Variants in GRM5 observed in about 807,000 individuals in gnomAD.
GRM5 encodes the protein metabotropic glutamate receptor 5.
In GRM5, 19 loss-of-function variants were observed where a neutral mutation model predicts 83.1. The ratio of observed to expected loss-of-function variants is 0.23; its 90% CI spans 0.16 to 0.34. The LOEUF is 0.34. GRM5 is among the 10% of genes least tolerant of loss of function. The probability of loss-of-function intolerance (pLI) is 1.00; values close to 1 mark genes in which losing one functional copy is unlikely to be tolerated. For missense variants in GRM5, 1,160 were observed against 1,588.3 expected, an observed-to-expected ratio of 0.73 and a Z score of 4.58; for synonymous variants, 675 against 633.6, an observed-to-expected ratio of 1.07 and a Z score of -0.98.
intron 3 of GRM5, among the ~76,000 whole-genome samples, chr11:88,678,334 T>C (rs1458623408): frequency 1.3e-5 from 2 of 152,124 alleles, no homozygotes; most frequent in Non-Finnish European, 2.9e-5. Context: ...ACTGGTATTA[T>C]GGATGTGAGC....
At chr11:88,642,492 T>C (rs1434265603) in intron 4 of GRM5, among the ~76,000 whole-genome samples, 2 of 152,186 alleles carry the variant, frequency 1.3e-5, no homozygotes, top group Non-Finnish European at 2.9e-5. Flanking sequence ...ATTTATCACC[T>C]GAAAAAGATC....
intron 2 of GRM5, among the ~76,000 whole-genome samples, chr11:88,955,088 T>C (rs1938568003): frequency 6.6e-6 from 1 of 152,206 alleles, no homozygotes; most frequent in African/African-American, 2.4e-5. Context: ...TTGGCATTAA[T>C]AGTGGTAACA....
chr11:88,734,520 A>C lies in GRM5; in HGVS notation c.912-81117T>G, dbSNP rs527516642. Among the ~76,000 whole-genome samples the C allele has an allele frequency of 1.1e-4, 16 of 152,188 alleles. No individual in the cohort carries two copies. In the East Asian group the frequency reaches 3.1e-3, roughly 29 times the overall value. On this transcript the variant is annotated intron_variant, in intron 3 of 9. Coordinates refer to ENST00000305447, the MANE Select transcript of GRM5 (RefSeq NM_001143831.3). ...TCCCATGTTTTTTGCAACATTATTCACTATAGCCAATTATTTCCAATAAAT... is the reference window on the plus strand; with the variant it reads ...TCCCATGTTTTTTGCAACATTATTCCCTATAGCCAATTATTTCCAATAAAT...
chr11:88,935,911 T>A (rs1937877264), intron 2 of GRM5, among the ~76,000 whole-genome samples: 1 of 151,946 alleles, frequency 6.6e-6, no homozygotes, highest in Admixed American at 6.6e-5. Context: ...TAATTAAAAA[T>A]TAAACTAAAT....
intron 2 of GRM5, among the ~76,000 whole-genome samples, chr11:89,030,003 C>A (rs952205550): frequency 1.4e-4 from 22 of 152,050 alleles, no homozygotes; most frequent in Non-Finnish European, 1.5e-5. Context: ...TTCCTTCTTT[C>A]TGGGAGACAT....
At chr11:88,934,208 G>A (rs1937814089) in intron 2 of GRM5, among the ~76,000 whole-genome samples, 1 of 151,772 alleles carries the variant, frequency 6.6e-6, no homozygotes, top group African/African-American at 2.4e-5. Flanking sequence ...TTTTAATACA[G>A]AAAGATTTTC....
chr11:89,024,706 AT>A (rs1941086531), intron 2 of GRM5, among the ~76,000 whole-genome samples: 1 of 152,188 alleles, frequency 6.6e-6, no homozygotes, highest in Admixed American at 6.5e-5. Context: ...TCAATGACAT[AT>A]TTTCAATTCT....
At chr11:88,657,576 A>G (rs1165045376) in intron 3 of GRM5, among the ~76,000 whole-genome samples, 1 of 152,124 alleles carries the variant, frequency 6.6e-6, no homozygotes, top group Non-Finnish European at 1.5e-5. Flanking sequence ...AGATTGCATT[A>G]CCAAAAATAT....
intron 2 of GRM5, among the ~76,000 whole-genome samples, chr11:89,041,404 C>T (rs529686830): frequency 6.1e-4 from 93 of 152,226 alleles, no homozygotes; most frequent in Non-Finnish European, 1.1e-3. Context: ...AGCAATGGTG[C>T]CTAAGAGAGA....
At chr11:88,915,144 A>T (rs1051605726) in intron 2 of GRM5, among the ~76,000 whole-genome samples, 5 of 152,174 alleles carry the variant, frequency 3.3e-5, no homozygotes, top group African/African-American at 1.2e-4. Context: ...AATAAAAAAA[A>T]ATCTAATTTT....
chr11:88,606,055 A>G (rs1938134414), intron 4 of GRM5, among the ~76,000 whole-genome samples: 1 of 152,180 alleles, frequency 6.6e-6, no homozygotes, highest in African/African-American at 2.4e-5. Flanking sequence ...TATCAATCAG[A>G]TGAAGGGAGA....
intron 2 of GRM5, among the ~76,000 whole-genome samples, chr11:89,009,645 C>T (rs1385869565): frequency 6.6e-6 from 1 of 151,886 alleles, no homozygotes; most frequent in Non-Finnish European, 1.5e-5. Context: ...GCCTGTAATC[C>T]CAGCACTTTG....
At chr11:89,064,888 CTGTG>C (rs71464050) in intron 1 of GRM5, among the ~76,000 whole-genome samples, 66 of 62,234 alleles carry the variant, frequency 1.1e-3, no homozygotes, top group African/African-American at 1.4e-3. Flanking sequence ...CTCTCTCTCT[CTGTG>C]TGTGTGTGTG....
At chr11:88,980,007 T>C (rs1487941953) in intron 2 of GRM5, among the ~76,000 whole-genome samples, 3 of 152,206 alleles carry the variant, frequency 2.0e-5, no homozygotes, top group Admixed American at 6.5e-5. Flanking sequence ...TAAAGGACTA[T>C]ACAATTTTAA....
chr11:88,600,276 C>T (rs549906981), intron 5 of GRM5, among the ~76,000 whole-genome samples: 2 of 138,130 alleles, frequency 1.4e-5, no homozygotes, highest in East Asian at 4.4e-4. Context: ...TCCTCCTGCT[C>T]CTTCTCCCTC....
chr11:88,902,188 T>A (rs541145795), intron 2 of GRM5, among the ~76,000 whole-genome samples: 3 of 151,802 alleles, frequency 2.0e-5, no homozygotes, highest in African/African-American at 7.2e-5. Context: ...TTTTAATGAG[T>A]TTATCTTTTG....
chr11:88,664,368 T>C (rs7948358), intron 3 of GRM5, among the ~76,000 whole-genome samples: 5,073 of 152,148 alleles, frequency 0.033, 268 homozygotes, highest in African/African-American at 0.11. Flanking sequence ...GTACTGAACA[T>C]GTACAGACTT....
chr11:88,727,555 ACT>A (rs1038552743), intron 3 of GRM5, among the ~76,000 whole-genome samples: 23 of 151,998 alleles, frequency 1.5e-4, no homozygotes, highest in African/African-American at 5.6e-4. Context: ...CATCTACAGA[ACT>A]CTCCTCCCCA....
At position 88,668,076 on chromosome 11, in the gene GRM5, A is replaced by C. The variant is rs1376431527; in HGVS notation, c.912-14673T>G. Among the ~76,000 whole-genome samples, 3 of 152,238 alleles carry C rather than the reference A, an allele frequency of 2.0e-5. No individual in the cohort carries two copies. The East Asian group carries it at 5.8e-4, about 29-fold the overall frequency. On this transcript the variant is annotated intron_variant, in intron 3 of 9. Coordinates refer to ENST00000305447, the MANE Select transcript of GRM5 (RefSeq NM_001143831.3). ...GAATATTGTGAAATATGTTATGGAA[A>C]TAAATTTGAAAATTTAGATAAAATA...
Sources: allele counts gnomAD v4.1 joint callset (sites outside exome capture counted in the v4.1 genomes callset), GRCh38; gene constraint gnomAD v4.1.1; transcripts MANE v1.5; gene names NCBI Gene and HGNC (gene_info 2026-07-23, HGNC 2026-07-21).